Variants in ZNF730 observed in about 807,000 individuals in gnomAD.
The protein encoded by ZNF730 is zinc finger protein 730.
Under a neutral mutation model 12.6 loss-of-function variants are expected in ZNF730, and 12 were observed. The ratio of observed to expected loss-of-function variants is 0.95; its 90% CI spans 0.61 to 1.54. The LOEUF is 1.54. Among genes scored for constraint, ZNF730 ranks in the 40% most tolerant of loss-of-function variants. The pLI, the probability that ZNF730 is intolerant of heterozygous loss-of-function variation, is 0.00. For synonymous variants in ZNF730, 194 were observed against 195.8 expected (o/e 0.99, Z 0.08); for missense variants, 643 against 583.5 (o/e 1.10, Z -1.05).
chr19:23,110,076 C>T (rs1040916472), intron 1 of ZNF730, among the ~76,000 whole-genome samples: 1 of 144,956 alleles, frequency 6.9e-6, no homozygotes, highest in African/African-American at 2.6e-5. Context: ...AAGCGATTCT[C>T]CTGCCTCAGC....
At chr19:23,100,890 G>A (rs549858402) in intron 1 of ZNF730, among the ~76,000 whole-genome samples, 138 of 152,072 alleles carry the variant, frequency 9.1e-4, no homozygotes, top group African/African-American at 3.3e-3. Context: ...TCCTGACCTC[G>A]TGATCTGCCC....
intron 1 of ZNF730, among the ~76,000 whole-genome samples, chr19:23,083,741 G>T (rs1398569127): frequency 2.6e-5 from 4 of 151,510 alleles, no homozygotes; most frequent in African/African-American, 9.7e-5. Flanking sequence ...GATAATACCT[G>T]TTAAGATCTA....
chr19:23,119,101 G>A (rs1047046690), intron 1 of ZNF730, among the ~76,000 whole-genome samples: 2 of 152,124 alleles, frequency 1.3e-5, no homozygotes, highest in Admixed American at 6.6e-5. Context: ...GTGGGGGTGA[G>A]AGAAGGCATT....
chr19:23,127,453 T>C, intron 1 of ZNF730: 1 of 1,091,634 alleles, frequency 9.2e-7, no homozygotes, highest in Non-Finnish European at 1.4e-6. Context: ...TCATTGACCC[T>C]TCTCCTTCTC....
chr19:23,099,218 G>C (rs1270129055), intron 1 of ZNF730, among the ~76,000 whole-genome samples: 4 of 152,206 alleles, frequency 2.6e-5, no homozygotes, highest in Admixed American at 2.6e-4. Flanking sequence ...CCAGGTCATA[G>C]GCAGGTGAGG....
intron 1 of ZNF730, among the ~76,000 whole-genome samples, chr19:23,078,617 G>A (rs1317317329): frequency 6.6e-6 from 1 of 152,130 alleles, no homozygotes; most frequent in East Asian, 1.9e-4. Flanking sequence ...AGAGACCGGT[G>A]CTGGCACGGG....
Position 23,146,553 on chromosome 19 carries a change from A to C in ZNF730, c.1509A>C (p.Thr503=). 1 of 1,582,484 alleles carries C rather than the reference A, an allele frequency of 6.3e-7. No individual in the cohort carries two copies. Among genetic ancestry groups the C allele is most frequent in the Non-Finnish European group, 8.6e-7 (1 of 1,167,032 alleles). The change falls in exon 4 of 4, where the codon ACA becomes ACC. Residue 503 remains threonine (T), a synonymous_variant. Coordinates refer to ENST00000597761, the MANE Select transcript of ZNF730 (RefSeq NM_001277403.2). ...SHLTRHKTIH[T] ...TTACTAGGCATAAGACAATTCATAC[A>C]TAAAATTGTAAAGACTGTGGCAAAG...
At chr19:23,105,621 A>G (rs1488793653) in intron 1 of ZNF730, among the ~76,000 whole-genome samples, 1 of 152,238 alleles carries the variant, frequency 6.6e-6, no homozygotes, top group Admixed American at 6.5e-5. Flanking sequence ...AAAATGATAC[A>G]GTAAAACAAT....
At chr19:23,088,071 T>C (rs1484845068) in intron 1 of ZNF730, among the ~76,000 whole-genome samples, 1 of 152,048 alleles carries the variant, frequency 6.6e-6, no homozygotes, top group Non-Finnish European at 1.5e-5. Context: ...CAGGCTGGAG[T>C]GCAGTGGTGC....
At chr19:23,124,059 C>G (rs1475503455) in intron 1 of ZNF730, 2 of 152,170 alleles carry the variant, frequency 1.3e-5, no homozygotes, top group Non-Finnish European at 2.9e-5. Flanking sequence ...CTGCAGTCTC[C>G]TCTCCCTGCA....
intron 1 of ZNF730, among the ~76,000 whole-genome samples, chr19:23,088,774 T>C (rs1454269410): frequency 6.6e-6 from 1 of 151,950 alleles, no homozygotes; most frequent in Non-Finnish European, 1.5e-5. Flanking sequence ...GTATTGAGAG[T>C]TTTTAACATG....
chr19:23,112,525 C>A (rs1244967606), upstream of ZNF730, among the ~76,000 whole-genome samples: 1 of 151,998 alleles, frequency 6.6e-6, no homozygotes, highest in East Asian at 1.9e-4. Flanking sequence ...AGTTTGAGAC[C>A]AGCCTGACCA....
In ZNF730 at chr19:23,086,130, G is replaced by A. The variant is rs866586212; in HGVS notation, c.-94+10743G>A. Among the ~76,000 whole-genome samples, 109 of 152,084 alleles carry A rather than the reference G, an allele frequency of 7.2e-4. 1 individual carries two copies. The highest frequency in any genetic ancestry group is 2.6e-3 in the African/African-American group (106 of 41,532). ...AGTGCTGTGATTACAGGCGTGAGCC[G>A]CCTTGCCCGGCCCCACCCAATTTTT... On this transcript the variant is annotated intron_variant, in intron 1 of 2. Coordinates refer to the ZNF730 transcript ENST00000593635.
Position 23,134,106 on chromosome 19 carries a change from C to T in ZNF730, c.30C>T (p.Ala10=), listed in dbSNP as rs752623718. MGALTFRDV[A]IEFSLEEWQC... Reference sequence around the variant, plus strand: ...GAGCGTTGACATTTAGAGATGTGGCCATAGAATTCTCTCTGGAGGAGTGGC... The same window carrying T: ...GAGCGTTGACATTTAGAGATGTGGCTATAGAATTCTCTCTGGAGGAGTGGC... The change falls in exon 2 of 4, where the codon GCC becomes GCT. Residue 10 remains alanine (A), a synonymous_variant. Transcript: ENST00000597761. The T allele has an allele frequency of 2.5e-6, 4 of 1,613,462 alleles. No individual in the cohort carries two copies. The Admixed American group carries it at 5.0e-5, about 20-fold the overall frequency.
chr19:23,143,801 A>AT (rs1419896512), intron 3 of ZNF730: 17 of 152,306 alleles, frequency 1.1e-4, no homozygotes, highest in African/African-American at 3.8e-4. Context: ...TTCACTGGTT[A>AT]TATCGTAAGA....
chr19:23,087,867 C>T (rs976788549), intron 1 of ZNF730, among the ~76,000 whole-genome samples: 1 of 152,056 alleles, frequency 6.6e-6, no homozygotes, highest in Admixed American at 6.5e-5. Flanking sequence ...ACCACCTCGG[C>T]CTCCCAAAGT....
At chr19:23,135,884 A>G in intron 2 of ZNF730, 64 bp from the exon 3 acceptor site, 1 of 1,392,556 alleles carries the variant, frequency 7.2e-7, no homozygotes, top group Non-Finnish European at 1.0e-6. Context: ...CTCTTTACTG[A>G]GAGCATTACT....
chr19:23,088,492 A>G (rs1970103867), intron 1 of ZNF730, among the ~76,000 whole-genome samples: 1 of 150,992 alleles, frequency 6.6e-6, no homozygotes, highest in African/African-American at 2.4e-5. Context: ...ATGGTGTCTC[A>G]CTCTGTCTCT....
intron 1 of ZNF730, among the ~76,000 whole-genome samples, chr19:23,085,178 CATT>C (rs1161439784): frequency 1.3e-5 from 2 of 152,088 alleles, no homozygotes; most frequent in Non-Finnish European, 2.9e-5. Context: ...GATGGTATCT[CATT>C]GTGGTTTTGA....
Sources: allele counts gnomAD v4.1 joint callset (sites outside exome capture counted in the v4.1 genomes callset), GRCh38; gene constraint gnomAD v4.1.1; transcripts MANE v1.5; gene names NCBI Gene and HGNC (gene_info 2026-07-23, HGNC 2026-07-21).